Variants in RPS6KA3 observed in about 807,000 individuals in gnomAD.
RPS6KA3 encodes the protein ribosomal protein S6 kinase alpha-3.
Under a neutral mutation model 67.2 loss-of-function variants are expected in RPS6KA3, and 4 were observed. The observed-to-expected ratio is 0.06, with a 90% CI of 0.03 to 0.14. RPS6KA3 has a LOEUF of 0.14. Among genes scored for constraint, RPS6KA3 ranks in the 10% least tolerant of loss-of-function variants. The pLI is 1.00. For missense variants in RPS6KA3, 204 were observed against 559.0 expected (o/e 0.36, Z 6.40); for synonymous variants, 182 against 183.7 (o/e 0.99, Z 0.07).
At chrX:20,204,138 G>A in intron 3 of RPS6KA3, 35 bp from the exon 4 acceptor site, 2 of 937,468 alleles carry the variant, frequency 2.1e-6, no homozygotes, top group Non-Finnish European at 3.1e-6. Context: ...ATATTACAAA[G>A]TAGTATAAAC....
intron 2 of RPS6KA3, among the ~76,000 whole-genome samples, chrX:20,226,298 C>G (rs2069119544): frequency 1.8e-5 from 2 of 111,765 alleles, no homozygotes; most frequent in Admixed American, 1.9e-4. Context: ...AAAAATCCAG[C>G]CAGAACAGAA....
chrX:20,203,951 C>T (rs995705312), intron 4 of RPS6KA3, 71 bp downstream of exon 4: 2 of 758,147 alleles, frequency 2.6e-6, no homozygotes, highest in Non-Finnish European at 4.1e-6. Context: ...GCCAAGGAGT[C>T]CCATGAGCTC....
chrX:20,209,254 A>G (rs2068648147), intron 3 of RPS6KA3, 34 bp downstream of exon 3: 1 of 775,943 alleles, frequency 1.3e-6, no homozygotes, highest in Non-Finnish European at 2.0e-6. Flanking sequence ...AATTGAAAAG[A>G]CAACTCTTAA....
chrX:20,157,732 T>G (rs1481914263), intron 20 of RPS6KA3, among the ~76,000 whole-genome samples: 1 of 110,004 alleles, frequency 9.1e-6, no homozygotes, highest in Non-Finnish European at 1.9e-5. Flanking sequence ...GGAGCTAGAT[T>G]AGAGAAAGGA....
intron 1 of RPS6KA3, among the ~76,000 whole-genome samples, chrX:20,256,850 G>T (rs982829919): frequency 3.6e-5 from 4 of 111,851 alleles, no homozygotes; most frequent in African/African-American, 1.3e-4. Context: ...ATATATGTGA[G>T]AAGTCACCTA....
chrX:20,231,925 AC>A (rs1187141087), intron 2 of RPS6KA3, among the ~76,000 whole-genome samples: 1 of 111,631 alleles, frequency 9.0e-6, no homozygotes, highest in Non-Finnish European at 1.9e-5. Flanking sequence ...GTTTTAAACC[AC>A]CCAGTTTGTG....
chrX:20,190,687 T>C (rs2068097489), intron 7 of RPS6KA3, among the ~76,000 whole-genome samples: 1 of 111,163 alleles, frequency 9.0e-6, no homozygotes, highest in South Asian at 3.8e-4. Context: ...GTTGGGAAAA[T>C]AATCAGGAAA....
chrX:20,156,624 C>T (rs967553551), intron 20 of RPS6KA3, among the ~76,000 whole-genome samples: 1 of 110,882 alleles, frequency 9.0e-6, no homozygotes, highest in African/African-American at 3.3e-5. Context: ...CAACCTCTGT[C>T]TCCTGGCCTC....
chrX:20,214,574 G>T (rs1339409889), intron 2 of RPS6KA3, among the ~76,000 whole-genome samples: 1 of 111,487 alleles, frequency 9.0e-6, no homozygotes, highest in East Asian at 2.8e-4. Context: ...CTCTGTCCTT[G>T]TGTTTCTGAA....
intron 1 of RPS6KA3, among the ~76,000 whole-genome samples, chrX:20,256,441 G>C (rs1432521992): frequency 9.0e-6 from 1 of 111,330 alleles, no homozygotes; most frequent in Non-Finnish European, 1.9e-5. Flanking sequence ...AAAGAACAGA[G>C]CACATTTACT....
chrX:20,172,812 T>A lies in RPS6KA3; in HGVS notation c.1287A>T (p.Gly429=), dbSNP rs1569201466. 2 of 1,194,490 alleles carry A rather than the reference T, an allele frequency of 1.7e-6. No homozygotes were observed. The highest frequency in any genetic ancestry group is 2.3e-6 in the Non-Finnish European group (2 of 880,035). ...TCTTGCAAACAGAGTAGGAGCCAAC[T>A]CCAATATCTTCTTTTACTTCATATC... ...TDGYEVKEDI[G]VGSYSVCKRC... Residue 429 remains glycine (G), a synonymous_variant, in exon 15 of 22, where the codon GGA becomes GGT. Transcript: ENST00000379565.
intron 10 of RPS6KA3, among the ~76,000 whole-genome samples, chrX:20,181,693 T>C (rs2067846534): frequency 9.0e-6 from 1 of 111,318 alleles, no homozygotes; most frequent in African/African-American, 3.3e-5. Context: ...GAATGAATGG[T>C]AGAGTCATCC....
At chrX:20,238,231 G>A (rs184334472) in intron 1 of RPS6KA3, among the ~76,000 whole-genome samples, 1 of 111,084 alleles carries the variant, frequency 9.0e-6, no homozygotes, top group East Asian at 2.8e-4. Flanking sequence ...ACCCTCAAAC[G>A]ACCAATGCAG....
At chrX:20,223,313 G>A (rs182477411) in intron 2 of RPS6KA3, among the ~76,000 whole-genome samples, 428 of 111,145 alleles carry the variant, frequency 3.9e-3, no homozygotes, top group Non-Finnish European at 6.2e-3. Context: ...CCTATGTTTT[G>A]GGACAACTTA....
intron 15 of RPS6KA3, among the ~76,000 whole-genome samples, chrX:20,170,673 G>A (rs1229266451): frequency 1.9e-5 from 2 of 107,680 alleles, no homozygotes; most frequent in Non-Finnish European, 3.8e-5. Context: ...GTGTAGTGGC[G>A]CAATCACGGC....
chrX:20,178,999 A>G (rs2067776277), intron 10 of RPS6KA3, among the ~76,000 whole-genome samples: 1 of 110,696 alleles, frequency 9.0e-6, no homozygotes, highest in African/African-American at 3.3e-5. Context: ...GTGGTAGGCA[A>G]TCAACTTAGG....
At chrX:20,263,004 T>C (rs2070276031) in intron 1 of RPS6KA3, among the ~76,000 whole-genome samples, 1 of 111,663 alleles carries the variant, frequency 9.0e-6, no homozygotes, top group Admixed American at 9.5e-5. Flanking sequence ...ATATAGTTGA[T>C]TTTTTAAATA....
chrX:20,267,042 T>C (rs2070418326), upstream of RPS6KA3: 1 of 751,726 alleles, frequency 1.3e-6, no homozygotes, highest in African/African-American at 2.3e-5. Flanking sequence ...GCGATACCTG[T>C]CTCTCAAAGC....
At position 20,264,486 on chromosome X, in the gene RPS6KA3, G is replaced by C. The variant is rs191311619; in HGVS notation, c.69+2078C>G. ...TTGTATCCACCTGGCTTTGAATTAT[G>C]GCTCTGCCATTTACTATTTATCATC... On this transcript the variant is annotated intron_variant, in intron 1 of 21. Coordinates refer to ENST00000379565, the MANE Select transcript of RPS6KA3 (RefSeq NM_004586.3). Among the ~76,000 whole-genome samples the C allele has an allele frequency of 4.5e-5, 5 of 112,093 alleles. No homozygotes were observed. In the East Asian group the frequency reaches 1.4e-3, roughly 31 times the overall value.
Sources: allele counts gnomAD v4.1 joint callset (sites outside exome capture counted in the v4.1 genomes callset), GRCh38; gene constraint gnomAD v4.1.1; transcripts MANE v1.5; gene names NCBI Gene and HGNC (gene_info 2026-07-23, HGNC 2026-07-21).